Variants in ZNF814 observed in about 807,000 individuals in gnomAD.
The protein encoded by ZNF814 is zinc finger protein 814.
ZNF814 carries 5 observed loss-of-function variants against 7.5 expected under a neutral mutation model. The ratio of observed to expected loss-of-function variants is 0.67; its 90% CI spans 0.35 to 1.40. The LOEUF (loss-of-function observed/expected upper bound fraction) is 1.40, where lower values mean the gene tolerates loss of function less well. ZNF814 is among the 40% of genes most tolerant of loss of function. ZNF814 has a pLI of 0.04. For missense variants in ZNF814, 962 were observed against 1,018.0 expected, an observed-to-expected ratio of 0.94 and a Z score of 0.75; for synonymous variants, 315 against 340.7, an observed-to-expected ratio of 0.92 and a Z score of 0.83.
chr19:57,902,661 CTTCT>C, the ZNF814 span, among the ~76,000 whole-genome samples: 1 of 151,392 alleles, frequency 6.6e-6, no homozygotes, highest in Admixed American at 6.6e-5. Flanking sequence ...AAATATTACT[CTTCT>C]TTTTTTTTTT....
chr19:57,901,509 G>T, the ZNF814 span: 2 of 397,556 alleles, frequency 5.0e-6, no homozygotes, highest in South Asian at 1.4e-4. Flanking sequence ...TGACAATCAG[G>T]TGCCTCTGTG....
At chr19:57,885,691 AAG>A (rs1351139101) in intron 1 of ZNF814, among the ~76,000 whole-genome samples, 1 of 152,056 alleles carries the variant, frequency 6.6e-6, no homozygotes, top group East Asian at 1.9e-4. Flanking sequence ...GATCTAGAAA[AAG>A]AGAATAAGAC....
At chr19:57,875,848 C>T (rs1391536176) in intron 2 of ZNF814, among the ~76,000 whole-genome samples, 3 of 151,404 alleles carry the variant, frequency 2.0e-5, no homozygotes, top group African/African-American at 7.3e-5. Flanking sequence ...TTATGTGTGC[C>T]TACTTGCCTT....
Position 57,874,974 on chromosome 19 carries a change from T to G in ZNF814, c.416A>C (p.Gln139Pro). Residue 139 changes from glutamine (Q) to proline (P), a missense_variant, in exon 3 of 3, where the codon CAG (glutamine) becomes CCG (proline). Transcript: ENST00000435989. Reference protein sequence around the residue: ...LYDSGNFHQHQNEHIGEKPYR... With the variant: ...LYDSGNFHQHPNEHIGEKPYR... ...GGGTTTCTCTCCAATGTGCTCATTC[T>G]GGTGCTGATGAAAGTTTCCACTGTC... 1 of 1,612,854 alleles carries G rather than the reference T, an allele frequency of 6.2e-7. No individual in the cohort carries two copies. The highest frequency in any genetic ancestry group is 1.1e-5 in the South Asian group (1 of 91,046).
the ZNF814 span, among the ~76,000 whole-genome samples, chr19:57,901,072 G>T: frequency 6.6e-6 from 1 of 150,802 alleles, no homozygotes; most frequent in African/African-American, 2.4e-5. Flanking sequence ...TCCTGACCTC[G>T]TGATCCGCCC....
intron 1 of ZNF814, among the ~76,000 whole-genome samples, chr19:57,880,613 CTTTTT>C (rs796462177): frequency 1.2e-5 from 1 of 84,832 alleles, no homozygotes; most frequent in African/African-American, 7.1e-5. Context: ...TTTTTTTTTT[CTTTTT>C]TTTTTTAAGA....
At chr19:57,899,151 G>A in the ZNF814 span, among the ~76,000 whole-genome samples, 2 of 151,912 alleles carry the variant, frequency 1.3e-5, no homozygotes, top group Admixed American at 6.6e-5. Context: ...TACTGTTCCC[G>A]CTATAAATAA....
In ZNF814 at chr19:57,888,959, A is replaced by T. The variant is rs1380731475; in HGVS notation, c.-157T>A. 1 of 754,590 alleles carries T rather than the reference A, an allele frequency of 1.3e-6. No homozygotes were observed. The highest frequency in any genetic ancestry group is 2.7e-5 in the Admixed American group (1 of 37,212). 46.7% of individuals were successfully genotyped at this position (754,590 alleles called of 1,614,324 possible). A position where few individuals can be genotyped will look rare whatever the true frequency, so the allele number is the denominator to read the frequency against. On this transcript the variant is annotated 5_prime_UTR_variant, in exon 1 of 3. Coordinates refer to ENST00000435989, the MANE Select transcript of ZNF814 (RefSeq NM_001144989.2). ...TGCAGCGGAGGACAACTGCTCCCCG[A>T]CTTCTGGGTTCAGTCACCACAGTGC...
At position 57,870,241 on chromosome 19, in the gene ZNF814, C is replaced by G. The variant is rs1025285118; in HGVS notation, c.*2581G>C. On this transcript the variant is annotated 3_prime_UTR_variant, in exon 3 of 3. Coordinates refer to ENST00000435989, the MANE Select transcript of ZNF814 (RefSeq NM_001144989.2). ...CCTGGGCAACAGAGCAAGACTCCGT[C>G]TCAAAATAAATAATAATAATAATTA... 2.0e-5 allele frequency: 3 copies of G among 151,996 alleles called. No homozygotes were observed. The highest frequency in any genetic ancestry group is 4.4e-5 in the Non-Finnish European group (3 of 68,016). The allele number at this position is 151,996 out of a possible 1,614,324, so 9.4% of individuals were successfully genotyped here. A position where few individuals can be genotyped will look rare whatever the true frequency, so the allele number is the denominator to read the frequency against.
At chr19:57,897,615 G>A in the ZNF814 span, among the ~76,000 whole-genome samples, 4 of 152,028 alleles carry the variant, frequency 2.6e-5, no homozygotes, top group Admixed American at 6.6e-5. Flanking sequence ...CCTTACAAAC[G>A]TACAACAATT....
In ZNF814 at chr19:57,871,217, T is replaced by C. The variant is rs1299325714; in HGVS notation, c.*1605A>G. On this transcript the variant is annotated 3_prime_UTR_variant, in exon 3 of 3. Coordinates refer to ENST00000435989, the MANE Select transcript of ZNF814 (RefSeq NM_001144989.2). ...CAATGCAATATACCTCGTAAAAGAATTTTGTCTTGTTCAAAAAATGCCAGA... is the reference window on the plus strand; with the variant it reads ...CAATGCAATATACCTCGTAAAAGAACTTTGTCTTGTTCAAAAAATGCCAGA... 1 of 152,064 alleles carries C rather than the reference T, an allele frequency of 6.6e-6. No individual in the cohort carries two copies. Among genetic ancestry groups the C allele is most frequent in the Admixed American group, 6.5e-5 (1 of 15,270 alleles). The allele number at this position is 152,064 out of a possible 1,614,324, so 9.4% of individuals were successfully genotyped here. A position where few individuals can be genotyped will look rare whatever the true frequency, so the allele number is the denominator to read the frequency against.
chr19:57,872,105 CA>C lies in ZNF814; in HGVS notation c.*716del, dbSNP rs886433545. Among the ~76,000 whole-genome samples, 1 of 151,782 alleles carries C rather than the reference CA, an allele frequency of 6.6e-6. No homozygotes were observed. The highest frequency in any genetic ancestry group is 6.6e-5 in the Admixed American group (1 of 15,210). ...TGAGCGACACAGTGACAACCTGTCT[CA>C]AAAAAAATCTAGCAAGGTACCTGGG... On this transcript the variant is annotated 3_prime_UTR_variant, in exon 3 of 3. Transcript: ENST00000435989.
At chr19:57,876,723 G>C (rs1049044801) in intron 2 of ZNF814, 193 bp downstream of exon 2, 4 of 848,328 alleles carry the variant, frequency 4.7e-6, no homozygotes, top group Non-Finnish European at 6.9e-6. Context: ...CTGCAGTAAA[G>C]CAGGTGTTGG....
rs567660556 is a variant in ZNF814, at chr19:57,875,943, C to CTTTTTTTTTTTTTTT, written c.164-732_164-718dup. Among the ~76,000 whole-genome samples, 6 of 71,436 alleles carry CTTTTTTTTTTTTTTT rather than the reference C, an allele frequency of 8.4e-5. 1 individual carries two copies. Among genetic ancestry groups the CTTTTTTTTTTTTTTT allele is most frequent in the East Asian group, 4.0e-4 (1 of 2,520 alleles). 46.9% of individuals were successfully genotyped at this position (71,436 alleles called of 152,430 possible). A position where few individuals can be genotyped will look rare whatever the true frequency, so the allele number is the denominator to read the frequency against. On this transcript the variant is annotated intron_variant, in intron 2 of 2. Transcript: ENST00000435989. The stretch of plus-strand genomic sequence containing the variant: ...CTCCATGACCTCCTCCAGGGTGCCG[C>CTTTTTTTTTTTTTTT]TTTTTTTTTTTTTTTTTTTTTTTTT...
In ZNF814 at chr19:57,871,988, G is replaced by C. The variant is rs2071560335; in HGVS notation, c.*834C>G. Among the ~76,000 whole-genome samples the C allele has an allele frequency of 6.6e-6, 1 of 151,902 alleles. No homozygotes were observed. Among genetic ancestry groups the C allele is most frequent in the Admixed American group, 6.6e-5 (1 of 15,212 alleles). On this transcript the variant is annotated 3_prime_UTR_variant, in exon 3 of 3. Coordinates refer to ENST00000435989, the MANE Select transcript of ZNF814 (RefSeq NM_001144989.2). ...GTGGAGCATGGTAGTGCATGCCTGT[G>C]GTTTCAGCTACTCAGGAGGCCGAGG...
In ZNF814 at chr19:57,873,650, T is replaced by C; in HGVS notation, c.1740A>G (p.Glu580=). The C allele has an allele frequency of 6.2e-7, 1 of 1,613,988 alleles. No homozygotes were observed. The highest frequency in any genetic ancestry group is 8.5e-7 in the Non-Finnish European group (1 of 1,179,994). The change falls in exon 3 of 3, where the codon GAA becomes GAG. Residue 580 remains glutamate (E), a synonymous_variant. Coordinates refer to ENST00000435989, the MANE Select transcript of ZNF814 (RefSeq NM_001144989.2). ...CGATTGAACTAAAAGATTTCCCACA[T>C]TCTCCACACCCATAAGATCTTTCTC... ...HPRERSYGCG[E]CGKSFSSIGH... is the part of the protein sequence containing the mutation.
At chr19:57,875,838 T>G (rs937592862) in intron 2 of ZNF814, among the ~76,000 whole-genome samples, 5 of 151,648 alleles carry the variant, frequency 3.3e-5, no homozygotes, top group Non-Finnish European at 7.4e-5. Flanking sequence ...AAAAGACAAA[T>G]TATGTGTGCC....
intron 1 of ZNF814, among the ~76,000 whole-genome samples, chr19:57,886,125 T>G (rs1361255811): frequency 6.6e-6 from 1 of 151,986 alleles, no homozygotes; most frequent in African/African-American, 2.4e-5. Context: ...CTAGAGAACA[T>G]ATAGGTCGGG....
chr19:57,887,681 C>G (rs1214273840), intron 1 of ZNF814, among the ~76,000 whole-genome samples: 2 of 152,150 alleles, frequency 1.3e-5, no homozygotes, highest in Non-Finnish European at 1.5e-5. Context: ...TTACCCACCC[C>G]CCTTTCCTCA....
Sources: allele counts gnomAD v4.1 joint callset (sites outside exome capture counted in the v4.1 genomes callset), GRCh38; gene constraint gnomAD v4.1.1; transcripts MANE v1.5; gene names NCBI Gene and HGNC (gene_info 2026-07-23, HGNC 2026-07-21).